TASP1: variants seen among roughly 807,000 people sequenced by gnomAD.
The protein encoded by TASP1 is taspase 1.
TASP1 carries 16 observed loss-of-function variants against 56.6 expected under a neutral mutation model. That is an observed-to-expected ratio of 0.28 (90% CI 0.19 to 0.43). The LOEUF is 0.43. Among genes scored for constraint, TASP1 ranks in the 20% least tolerant of loss-of-function variants. The probability of loss-of-function intolerance (pLI) is 1.00; values close to 1 mark genes in which losing one functional copy is unlikely to be tolerated. For missense variants in TASP1, 393 were observed against 511.6 expected (o/e 0.77, Z 2.24); for synonymous variants, 179 against 184.2 (o/e 0.97, Z 0.23).
the TASP1 span, among the ~76,000 whole-genome samples, chr20:13,219,322 C>A: frequency 6.6e-6 from 1 of 152,096 alleles, no homozygotes; most frequent in Non-Finnish European, 1.5e-5. Context: ...ATTCTCCAGC[C>A]CTTTCCCTTT....
At chr20:13,440,639 A>C (rs765043676) in intron 11 of TASP1, among the ~76,000 whole-genome samples, 3 of 152,044 alleles carry the variant, frequency 2.0e-5, no homozygotes, top group African/African-American at 4.8e-5. Context: ...TAGGATGTGA[A>C]TAGCTAGAGT....
intron 13 of TASP1, among the ~76,000 whole-genome samples, chr20:13,391,054 C>T (rs899346805): frequency 6.6e-6 from 1 of 152,210 alleles, no homozygotes; most frequent in African/African-American, 2.4e-5. Context: ...AGAGGCAAGC[C>T]TGCTGCCCTG....
intron 8 of TASP1, among the ~76,000 whole-genome samples, chr20:13,549,699 T>C (rs2045916727): frequency 6.6e-6 from 1 of 152,128 alleles, no homozygotes. Context: ...ACTGGAGATA[T>C]TTCCTGATAG....
At chr20:13,109,704 G>C in the TASP1 span, among the ~76,000 whole-genome samples, 5 of 152,190 alleles carry the variant, frequency 3.3e-5, no homozygotes, top group African/African-American at 1.2e-4. Context: ...TGCAAACTCA[G>C]CTAAACTCTA....
the TASP1 span, among the ~76,000 whole-genome samples, chr20:13,188,066 G>C: frequency 6.6e-6 from 1 of 151,998 alleles, no homozygotes; most frequent in Non-Finnish European, 1.5e-5. Flanking sequence ...ATTTCCTTTT[G>C]CCACGTGAAG....
the TASP1 span, among the ~76,000 whole-genome samples, chr20:13,106,331 C>T: frequency 1.3e-5 from 2 of 152,026 alleles, no homozygotes; most frequent in African/African-American, 4.8e-5. Context: ...GGACGAGGTC[C>T]CTGACTTCAT....
the TASP1 span, chr20:13,160,243 A>G: frequency 7.6e-7 from 1 of 1,317,462 alleles, no homozygotes; most frequent in Non-Finnish European, 1.0e-6. Flanking sequence ...GTTATTTAGG[A>G]AAACAACACT....
the TASP1 span, among the ~76,000 whole-genome samples, chr20:13,321,097 G>T: frequency 6.6e-6 from 1 of 151,750 alleles, no homozygotes; most frequent in African/African-American, 2.4e-5. Flanking sequence ...AACTCAGGAG[G>T]CTGAGGCATG....
At chr20:13,407,563 C>T (rs2041967687) in intron 13 of TASP1, among the ~76,000 whole-genome samples, 1 of 152,074 alleles carries the variant, frequency 6.6e-6, no homozygotes, top group South Asian at 2.1e-4. Flanking sequence ...TCATGTGGAC[C>T]TATCTTTTCA....
the TASP1 span, among the ~76,000 whole-genome samples, chr20:13,219,426 C>G: frequency 6.6e-6 from 1 of 151,856 alleles, no homozygotes; most frequent in Admixed American, 6.6e-5. Flanking sequence ...GAAATACGGA[C>G]GGTTATTGTT....
chr20:13,508,967 T>C (rs1177986022), intron 10 of TASP1, among the ~76,000 whole-genome samples: 2 of 152,102 alleles, frequency 1.3e-5, no homozygotes, highest in Non-Finnish European at 2.9e-5. Context: ...TACCATATAA[T>C]CGAACAATCC....
intron 7 of TASP1, among the ~76,000 whole-genome samples, chr20:13,564,110 G>A (rs756407072): frequency 2.5e-4 from 38 of 152,146 alleles, no homozygotes; most frequent in Non-Finnish European, 4.3e-4. Context: ...AAGGAAAAGA[G>A]GTAAAAGGCA....
At chr20:13,158,932 C>T in the TASP1 span, among the ~76,000 whole-genome samples, 2 of 152,314 alleles carry the variant, frequency 1.3e-5, no homozygotes, top group East Asian at 3.9e-4. Flanking sequence ...CAGCTTCCAG[C>T]CTAAAATAAT....
At chr20:13,131,557 C>T in the TASP1 span, among the ~76,000 whole-genome samples, 1 of 152,122 alleles carries the variant, frequency 6.6e-6, no homozygotes, top group South Asian at 2.1e-4. Flanking sequence ...ATAGCTTTAC[C>T]CACCCTGGAG....
At chr20:13,339,825 A>C in the TASP1 span, among the ~76,000 whole-genome samples, 22 of 152,200 alleles carry the variant, frequency 1.4e-4, no homozygotes, top group African/African-American at 4.1e-4. Context: ...GTAACCAAGT[A>C]GTCCCAGCTC....
the TASP1 span, chr20:13,110,113 C>T: frequency 2.5e-6 from 4 of 1,598,174 alleles, no homozygotes; most frequent in Non-Finnish European, 3.4e-6. Context: ...TATTTAAAGA[C>T]ACACAAAGCC....
chr20:13,326,394 A>G, the TASP1 span, among the ~76,000 whole-genome samples: 1 of 152,164 alleles, frequency 6.6e-6, no homozygotes, highest in African/African-American at 2.4e-5. Flanking sequence ...GTATATGTAT[A>G]TATTCAATTT....
the TASP1 span, among the ~76,000 whole-genome samples, chr20:13,223,156 C>CAA: frequency 2.3e-3 from 272 of 120,164 alleles, no homozygotes; most frequent in African/African-American, 8.7e-3. Context: ...GACTCCGTCT[C>CAA]AAAAAAAAAA....
At chr20:13,394,944 A>C (rs2041467960) in intron 13 of TASP1, among the ~76,000 whole-genome samples, 1 of 152,270 alleles carries the variant, frequency 6.6e-6, no homozygotes, top group African/African-American at 2.4e-5. Context: ...TTTTAAAATA[A>C]GAAAATTAAG....
Sources: allele counts gnomAD v4.1 joint callset (sites outside exome capture counted in the v4.1 genomes callset), GRCh38; gene constraint gnomAD v4.1.1; transcripts MANE v1.5; gene names NCBI Gene and HGNC (gene_info 2026-07-23, HGNC 2026-07-21).